The following CDKL4 variants were observed in gnomAD, a reference collection of about 807,000 sequenced individuals.
The protein encoded by CDKL4 is cyclin-dependent kinase-like 4.
CDKL4 carries 44 observed loss-of-function variants against 42.0 expected under a neutral mutation model. That is an observed-to-expected ratio of 1.05 (90% CI 0.82 to 1.35). CDKL4 has a LOEUF of 1.35. CDKL4 is among the 40% of genes most tolerant of loss of function. CDKL4 has a pLI of 0.00. For missense variants in CDKL4, 393 were observed against 369.9 expected (o/e 1.06, Z -0.51); for synonymous variants, 120 against 121.6 (o/e 0.99, Z 0.09).
intron 1 of CDKL4, 61 bp from the exon 2 acceptor site, chr2:39,229,649 T>C (rs553234855): frequency 4.2e-6 from 3 of 721,432 alleles, no homozygotes; most frequent in East Asian, 2.7e-5. Context: ...TCACAGGTTA[T>C]ATACAACCAA....
intron 2 of CDKL4, among the ~76,000 whole-genome samples, chr2:39,226,467 A>ATATATATATTATATATAT (rs1553393185): frequency 4.7e-4 from 46 of 96,926 alleles, no homozygotes; most frequent in East Asian, 1.8e-3. Context: ...TATATATATT[A>ATATATATATTATATATAT]TATATATATA....
chr2:39,202,238 CAAACA>C (rs58302117), intron 5 of CDKL4, among the ~76,000 whole-genome samples: 75,462 of 148,492 alleles, frequency 0.51, 20,266 homozygotes, highest in East Asian at 0.75. Flanking sequence ...GACACTGTCT[CAAACA>C]AAACAAAACA....
In CDKL4 at chr2:39,243,264, T is replaced by A. The variant is rs1015451582; in HGVS notation, c.-57+607A>T. Among the ~76,000 whole-genome samples the A allele has an allele frequency of 2.7e-5, 4 of 150,852 alleles. No homozygotes were observed. In the East Asian group the frequency reaches 7.8e-4, roughly 29 times the overall value. On this transcript the variant is annotated intron_variant, in intron 1 of 9. Transcript: ENST00000451199. ...TTATTGTTTTCAACCAAACCAAACA[T>A]GAATTTATATTTAATAAAACTAATT...
intron 5 of CDKL4, among the ~76,000 whole-genome samples, chr2:39,192,353 C>T (rs1038752653): frequency 1.3e-5 from 2 of 152,050 alleles, no homozygotes; most frequent in Non-Finnish European, 2.9e-5. Flanking sequence ...TTCTTATTTA[C>T]AGCATAGTTC....
chr2:39,181,016 T>C (rs1400127708), intron 8 of CDKL4, among the ~76,000 whole-genome samples: 3 of 152,246 alleles, frequency 2.0e-5, no homozygotes, highest in East Asian at 3.8e-4. Context: ...CAAACTGTGA[T>C]AGTCTCTACT....
chr2:39,173,606 G>T (rs970384846), downstream of CDKL4, among the ~76,000 whole-genome samples: 1 of 151,890 alleles, frequency 6.6e-6, no homozygotes, highest in Non-Finnish European at 1.5e-5. Flanking sequence ...TCAGAAGATC[G>T]AGACTATCCT....
chr2:39,168,697 T>TG, the CDKL4 span, among the ~76,000 whole-genome samples: 1 of 148,888 alleles, frequency 6.7e-6, no homozygotes, highest in South Asian at 2.2e-4. Context: ...ATAGCGCCAT[T>TG]GAAACTCCAT....
downstream of CDKL4, among the ~76,000 whole-genome samples, chr2:39,172,503 A>C (rs550039556): frequency 2.6e-5 from 4 of 152,324 alleles, no homozygotes; most frequent in South Asian, 8.3e-4. Flanking sequence ...TGGGCAACGC[A>C]GGCAGCAGCA....
At chr2:39,213,088 TG>T (rs1677685690) in intron 4 of CDKL4, among the ~76,000 whole-genome samples, 2 of 151,742 alleles carry the variant, frequency 1.3e-5, no homozygotes, top group African/African-American at 4.9e-5. Context: ...TTACAGAAAT[TG>T]GAAAGAGCCA....
At chr2:39,194,095 C>T (rs1005550204) in intron 5 of CDKL4, among the ~76,000 whole-genome samples, 2 of 152,088 alleles carry the variant, frequency 1.3e-5, no homozygotes, top group African/African-American at 2.4e-5. Context: ...GCACTTACTG[C>T]GTTCTCAAGA....
chr2:39,190,596 C>G, intron 5 of CDKL4, 94 bp from the exon 6 acceptor site: 2 of 1,017,540 alleles, frequency 2.0e-6, no homozygotes, highest in Non-Finnish European at 3.1e-6. Context: ...CAATAACCAT[C>G]AGAGGCCATG....
chr2:39,195,508 A>C (rs1676452971), intron 5 of CDKL4, among the ~76,000 whole-genome samples: 1 of 152,188 alleles, frequency 6.6e-6, no homozygotes, highest in Admixed American at 6.5e-5. Flanking sequence ...TAGTCATCCT[A>C]ATGGGTGCAA....
intron 4 of CDKL4, among the ~76,000 whole-genome samples, chr2:39,212,901 A>T (rs1365346303): frequency 1.3e-5 from 2 of 151,882 alleles, no homozygotes; most frequent in Non-Finnish European, 2.9e-5. Flanking sequence ...GCTCAAAGCC[A>T]TCTGCCCGCA....
rs569260676 is a variant in CDKL4, at chr2:39,176,445, G to A, written c.928-349C>T. On this transcript the variant is annotated intron_variant, in intron 9 of 9. Transcript: ENST00000451199. ...CCTCAAAAAAATTATTTGTTTTTTC[G>A]ACACCATTTCACTCTGTTTCAGCCT... Among the ~76,000 whole-genome samples the A allele has an allele frequency of 7.2e-4, 110 of 152,036 alleles. 1 individual carries two copies. Among genetic ancestry groups the A allele is most frequent in the African/African-American group, 2.5e-3 (105 of 41,466 alleles).
At chr2:39,206,239 C>T (rs1282139820) in intron 4 of CDKL4, among the ~76,000 whole-genome samples, 2 of 152,080 alleles carry the variant, frequency 1.3e-5, no homozygotes, top group Non-Finnish European at 2.9e-5. Flanking sequence ...CACCACCATG[C>T]CCGGCTAATT....
intron 3 of CDKL4, among the ~76,000 whole-genome samples, chr2:39,221,783 G>A (rs897429505): frequency 6.6e-6 from 1 of 152,122 alleles, no homozygotes; most frequent in Non-Finnish European, 1.5e-5. Context: ...TCTGCATTCC[G>A]CCAGGGGTGT....
chr2:39,193,284 A>G (rs1676303981), intron 5 of CDKL4, among the ~76,000 whole-genome samples: 1 of 151,126 alleles, frequency 6.6e-6, no homozygotes, highest in Non-Finnish European at 1.5e-5. Context: ...AAAAAAAAAA[A>G]AGAATTATTC....
intron 5 of CDKL4, among the ~76,000 whole-genome samples, chr2:39,195,812 T>C (rs1038142423): frequency 2.0e-5 from 3 of 152,058 alleles, no homozygotes; most frequent in African/African-American, 7.2e-5. Flanking sequence ...CCCTGCCTTA[T>C]ATATCTTCTT....
downstream of CDKL4, among the ~76,000 whole-genome samples, chr2:39,174,044 A>C (rs1372443868): frequency 6.6e-6 from 1 of 151,992 alleles, no homozygotes; most frequent in Non-Finnish European, 1.5e-5. Flanking sequence ...GATGAAAATA[A>C]GAAGGCCTTA....
Sources: gnomAD v4.1 joint callset for allele counts (sites outside exome capture counted in the v4.1 genomes callset) on GRCh38, gnomAD v4.1.1 for gene constraint, MANE v1.5 for transcripts, NCBI Gene and HGNC (gene_info 2026-07-23, HGNC 2026-07-21) for gene names.